Variants in EDA observed in about 807,000 individuals in gnomAD.
EDA encodes ectodysplasin-A.
EDA carries 2 observed loss-of-function variants against 23.6 expected under a neutral mutation model. The observed-to-expected ratio is 0.08, with a 90% CI of 0.03 to 0.27. The LOEUF is 0.27. EDA is among the 10% of genes least tolerant of loss of function. The pLI is 1.00. For synonymous variants in EDA, 131 were observed against 132.0 expected (o/e 0.99, Z 0.05); for missense variants, 229 against 324.2 (o/e 0.71, Z 2.26).
chrX:69,695,274 C>T (rs1297723925), intron 1 of EDA, among the ~76,000 whole-genome samples: 2 of 107,591 alleles, frequency 1.9e-5, no homozygotes, highest in East Asian at 2.9e-4. Flanking sequence ...GAGCTGAGAT[C>T]GCACCACTGT....
chrX:69,982,468 C>T (rs779616078), intron 2 of EDA, among the ~76,000 whole-genome samples: 13 of 111,261 alleles, frequency 1.2e-4, no homozygotes, highest in Admixed American at 2.9e-4. Flanking sequence ...ATCTTGCATG[C>T]CTTTCCATAA....
intron 1 of EDA, among the ~76,000 whole-genome samples, chrX:69,814,408 C>A (rs2016030327): frequency 8.8e-6 from 1 of 113,103 alleles, no homozygotes; most frequent in Non-Finnish European, 1.9e-5. Context: ...CTATATTTAA[C>A]CCTCCTTGAT....
intron 3 of EDA, among the ~76,000 whole-genome samples, chrX:70,027,260 C>T (rs1177342006): frequency 9.0e-6 from 1 of 111,561 alleles, no homozygotes; most frequent in Non-Finnish European, 1.9e-5. Context: ...TTCTACTATC[C>T]CATGACTGTG....
chrX:69,742,456 A>T (rs1447205778), intron 1 of EDA, among the ~76,000 whole-genome samples: 1 of 112,158 alleles, frequency 8.9e-6, no homozygotes, highest in Non-Finnish European at 1.9e-5. Flanking sequence ...ACAGACTGAC[A>T]TTGCTGTTAC....
At chrX:69,824,324 G>A (rs1372262412) in intron 1 of EDA, among the ~76,000 whole-genome samples, 1 of 108,932 alleles carries the variant, frequency 9.2e-6, no homozygotes, top group African/African-American at 3.3e-5. Flanking sequence ...TTCTTCCTAC[G>A]CATGAGCATG....
chrX:69,943,050 T>C (rs1384658927), intron 1 of EDA, among the ~76,000 whole-genome samples: 1 of 111,036 alleles, frequency 9.0e-6, no homozygotes, highest in Non-Finnish European at 1.9e-5. Flanking sequence ...TATTCTTTTG[T>C]TTCAATCTCT....
At position 69,893,469 on chromosome X, in the gene EDA, T is replaced by A. The variant is rs188004157; in HGVS notation, c.397-63558T>A. ...CTGAATCCAAGACAGGTTTAGTTACTCCTCCAAAATCATACAACTAGTTTG... is the reference window on the plus strand; with the variant it reads ...CTGAATCCAAGACAGGTTTAGTTACACCTCCAAAATCATACAACTAGTTTG... On this transcript the variant is annotated intron_variant, in intron 1 of 7. Transcript: ENST00000374552. Among the ~76,000 whole-genome samples the A allele has an allele frequency of 3.0e-4, 34 of 112,115 alleles. No individual in the cohort carries two copies. The East Asian group carries it at 4.8e-3, about 16-fold the overall frequency.
At chrX:69,663,957 G>A (rs1933596536) in intron 1 of EDA, among the ~76,000 whole-genome samples, 1 of 112,400 alleles carries the variant, frequency 8.9e-6, no homozygotes, top group Admixed American at 9.4e-5. Flanking sequence ...TATTTGGAAT[G>A]AGTATATTTA....
chrX:69,674,287 C>G (rs1445715551), intron 1 of EDA, among the ~76,000 whole-genome samples: 1 of 111,445 alleles, frequency 9.0e-6, no homozygotes, highest in East Asian at 2.8e-4. Flanking sequence ...CACTATATAG[C>G]TAGTATATAT....
intron 1 of EDA, among the ~76,000 whole-genome samples, chrX:69,952,024 C>T (rs995655091): frequency 8.9e-6 from 1 of 111,857 alleles, no homozygotes; most frequent in Non-Finnish European, 1.9e-5. Context: ...GAATGCAAAA[C>T]TCAAGCTGGA....
chrX:69,713,059 G>C (rs1441302920), intron 1 of EDA, among the ~76,000 whole-genome samples: 2 of 76,763 alleles, frequency 2.6e-5, no homozygotes, highest in African/African-American at 1.0e-4. Flanking sequence ...ACCGGGGCCT[G>C]TTGTAGGGTG....
chrX:69,663,774 GC>G (rs1369158492), intron 1 of EDA, among the ~76,000 whole-genome samples: 2 of 112,474 alleles, frequency 1.8e-5, no homozygotes, highest in African/African-American at 6.5e-5. Context: ...ACCCTGCAAA[GC>G]CACAGGGGTG....
At chrX:69,696,068 C>T (rs2011330415) in intron 1 of EDA, among the ~76,000 whole-genome samples, 1 of 109,968 alleles carries the variant, frequency 9.1e-6, no homozygotes, top group Non-Finnish European at 1.9e-5. Context: ...AGTGAAACCC[C>T]ATCTCTACTA....
intron 1 of EDA, among the ~76,000 whole-genome samples, chrX:69,822,983 G>A (rs2016278239): frequency 1.0e-5 from 1 of 99,617 alleles, no homozygotes; most frequent in African/African-American, 3.8e-5. Flanking sequence ...TACTGAGAAT[G>A]ATGATTTCCA....
At chrX:69,728,222 C>T (rs149985451) in intron 1 of EDA, among the ~76,000 whole-genome samples, 1,613 of 86,998 alleles carry the variant, frequency 0.019, 21 homozygotes, top group African/African-American at 0.058. Flanking sequence ...CCAGCCTGGG[C>T]GGCAGAGTGA....
chrX:69,911,637 G>T (rs990791168), intron 1 of EDA, among the ~76,000 whole-genome samples: 4 of 112,015 alleles, frequency 3.6e-5, no homozygotes, highest in African/African-American at 1.3e-4. Context: ...ATAATAAAAT[G>T]AGTCATATGA....
At chrX:69,711,171 A>G (rs1424207253) in intron 1 of EDA, among the ~76,000 whole-genome samples, 1 of 111,447 alleles carries the variant, frequency 9.0e-6, no homozygotes, top group Non-Finnish European at 1.9e-5. Context: ...CGTCCCATCA[A>G]TACCTAACTT....
intron 1 of EDA, among the ~76,000 whole-genome samples, chrX:69,621,846 T>A (rs1054028053): frequency 1.8e-5 from 2 of 111,354 alleles, no homozygotes; most frequent in Non-Finnish European, 3.8e-5. Context: ...GAACAAGCGA[T>A]CTTCCAACCT....
chrX:69,818,245 C>T (rs2016126380), intron 1 of EDA, among the ~76,000 whole-genome samples: 1 of 111,496 alleles, frequency 9.0e-6, no homozygotes, highest in African/African-American at 3.3e-5. Context: ...ATTTATACCA[C>T]TAAATGCCCA....
Sources: gnomAD v4.1 joint callset for allele counts (sites outside exome capture counted in the v4.1 genomes callset) on GRCh38, gnomAD v4.1.1 for gene constraint, MANE v1.5 for transcripts, NCBI Gene and HGNC (gene_info 2026-07-23, HGNC 2026-07-21) for gene names.